The following ADARB2 variants were observed in gnomAD, a reference collection of about 807,000 sequenced individuals.
ADARB2 encodes inactive double-stranded RNA-specific editase B2.
In ADARB2, 25 loss-of-function variants were observed where a neutral mutation model predicts 62.2. The observed-to-expected ratio is 0.40, with a 90% CI of 0.29 to 0.56. ADARB2 has a LOEUF of 0.56. Ranked by LOEUF, ADARB2 falls within the 20% of genes least tolerant of loss-of-function variation. The pLI is 0.43. For synonymous variants in ADARB2, 572 were observed against 500.8 expected, an observed-to-expected ratio of 1.14 and a Z score of -1.90; for missense variants, 1,071 against 1,077.4, an observed-to-expected ratio of 0.99 and a Z score of 0.08.
chr10:1,232,312 GGT>G (rs1830811723), intron 6 of ADARB2, among the ~76,000 whole-genome samples: 1 of 152,142 alleles, frequency 6.6e-6, no homozygotes, highest in African/African-American at 2.4e-5. Context: ...ATATGCACGT[GGT>G]GTATGTCGTA....
At chr10:1,378,964 A>T in intron 2 of ADARB2, 110 bp downstream of exon 2, 1 of 904,860 alleles carries the variant, frequency 1.1e-6, no homozygotes, top group East Asian at 2.4e-5. Context: ...GTAAGACCAA[A>T]CAGACCCTCC....
At chr10:1,385,347 A>G (rs2131863199) in intron 1 of ADARB2, among the ~76,000 whole-genome samples, 1 of 152,332 alleles carries the variant, frequency 6.6e-6, no homozygotes, top group East Asian at 1.9e-4. Flanking sequence ...ATTAGCAGAT[A>G]AGGACATTAA....
intron 1 of ADARB2, among the ~76,000 whole-genome samples, chr10:1,669,586 TCACA>T (rs1834355919): frequency 2.7e-5 from 3 of 109,380 alleles, no homozygotes; most frequent in South Asian, 6.0e-4. Context: ...ACAGACTCAC[TCACA>T]AACACAGACA....
chr10:1,644,954 A>G (rs543502562), intron 1 of ADARB2, among the ~76,000 whole-genome samples: 1 of 152,248 alleles, frequency 6.6e-6, no homozygotes, highest in African/African-American at 2.4e-5. Context: ...TCACGCCTAT[A>G]CAAACACACA....
At chr10:1,321,012 ACATTAG>A (rs1256387554) in intron 3 of ADARB2, among the ~76,000 whole-genome samples, 1 of 152,238 alleles carries the variant, frequency 6.6e-6, no homozygotes, top group Non-Finnish European at 1.5e-5. Context: ...TGTTCTGATG[ACATTAG>A]AATGTAAAGT....
intron 1 of ADARB2, among the ~76,000 whole-genome samples, chr10:1,565,779 T>A (rs904404172): frequency 6.6e-6 from 1 of 152,140 alleles, no homozygotes; most frequent in African/African-American, 2.4e-5. Context: ...GGAATGAGTA[T>A]TTTATCCGAA....
At chr10:1,678,548 C>T (rs2119114725) in intron 1 of ADARB2, among the ~76,000 whole-genome samples, 1 of 152,102 alleles carries the variant, frequency 6.6e-6, no homozygotes, top group East Asian at 1.9e-4. Context: ...TTTCAAGTCG[C>T]TTTTTATCCT....
chr10:1,348,460 T>C (rs1205711716), intron 3 of ADARB2, among the ~76,000 whole-genome samples: 1 of 152,074 alleles, frequency 6.6e-6, no homozygotes, highest in African/African-American at 2.4e-5. Flanking sequence ...GCCTGAGCAG[T>C]GCTTGCTCCC....
chr10:1,244,705 C>T (rs1027817959), intron 4 of ADARB2, among the ~76,000 whole-genome samples: 1 of 152,068 alleles, frequency 6.6e-6, no homozygotes, highest in African/African-American at 2.4e-5. Flanking sequence ...TGAGAAATGT[C>T]GCGGAAGTGC....
intron 1 of ADARB2, among the ~76,000 whole-genome samples, chr10:1,726,887 G>C (rs565038291): frequency 6.6e-6 from 1 of 152,250 alleles, no homozygotes; most frequent in South Asian, 2.1e-4. Context: ...GAGAGGGCCC[G>C]GGGAAGGACA....
At chr10:1,537,566 T>C (rs953160737) in intron 1 of ADARB2, among the ~76,000 whole-genome samples, 1 of 152,140 alleles carries the variant, frequency 6.6e-6, no homozygotes, top group Non-Finnish European at 1.5e-5. Flanking sequence ...CCAACCCAAA[T>C]GCCCATCAAT....
rs563128865 is a variant in ADARB2, at chr10:1,593,414, G to A, written c.100+143637C>T. 8.5e-5 allele frequency among the ~76,000 whole-genome samples: 13 copies of A among 152,342 alleles called. No individual in the cohort carries two copies. The East Asian group carries it at 2.3e-3, about 27-fold the overall frequency. On this transcript the variant is annotated intron_variant, in intron 1 of 9. Coordinates refer to ENST00000381312, the MANE Select transcript of ADARB2 (RefSeq NM_018702.4). ...CCCCTTGCCCTAGCCATGCTCCATA[G>A]GTCGCCTCTCTGGTCCAACAGTGTC...
intron 1 of ADARB2, among the ~76,000 whole-genome samples, chr10:1,568,240 G>A (rs1351014698): frequency 2.0e-5 from 3 of 152,200 alleles, no homozygotes; most frequent in African/African-American, 7.2e-5. Flanking sequence ...CTCTGCCCTG[G>A]TGTCCTATAT....
At chr10:1,337,060 T>TTG (rs934933891) in intron 3 of ADARB2, among the ~76,000 whole-genome samples, 2 of 82,518 alleles carry the variant, frequency 2.4e-5, no homozygotes, top group East Asian at 3.8e-4. Context: ...ACTTAAAGAT[T>TTG]TCTGTGTGTG....
intron 2 of ADARB2, among the ~76,000 whole-genome samples, chr10:1,370,204 T>C (rs576802218): frequency 7.2e-5 from 11 of 152,236 alleles, no homozygotes; most frequent in South Asian, 2.1e-4. Flanking sequence ...ACAAAAAACA[T>C]AGGGTCATCT....
At chr10:1,648,526 G>T (rs10903532) in intron 1 of ADARB2, among the ~76,000 whole-genome samples, 71,608 of 151,916 alleles carry the variant, frequency 0.47, 17,093 homozygotes, top group South Asian at 0.53. Context: ...GCTTGGAATC[G>T]TCCCTGCCTA....
intron 2 of ADARB2, among the ~76,000 whole-genome samples, chr10:1,376,706 GT>G (rs1352321260): frequency 6.6e-6 from 1 of 152,174 alleles, no homozygotes. Context: ...CACCCCAAAT[GT>G]CCTCTGGCCC....
intron 1 of ADARB2, among the ~76,000 whole-genome samples, chr10:1,573,432 A>C (rs1435861340): frequency 6.6e-6 from 1 of 152,166 alleles, no homozygotes; most frequent in Non-Finnish European, 1.5e-5. Flanking sequence ...TGTGGAGCGG[A>C]AACTGGTGAG....
chr10:1,601,206 G>A (rs552472634), intron 1 of ADARB2, among the ~76,000 whole-genome samples: 5 of 152,330 alleles, frequency 3.3e-5, no homozygotes, highest in African/African-American at 1.2e-4. Flanking sequence ...GTGGCTCAGA[G>A]ACTCAGTGGG....
Sources: gnomAD v4.1 joint callset for allele counts (sites outside exome capture counted in the v4.1 genomes callset) on GRCh38, gnomAD v4.1.1 for gene constraint, MANE v1.5 for transcripts, NCBI Gene and HGNC (gene_info 2026-07-23, HGNC 2026-07-21) for gene names.